Variants in IGF2BP2 observed in about 807,000 individuals in gnomAD.
IGF2BP2 encodes insulin-like growth factor 2 mRNA-binding protein 2.
A neutral mutation model predicts 75.8 loss-of-function variants in IGF2BP2; 17 were observed. That is an observed-to-expected ratio of 0.22 (90% confidence interval 0.15 to 0.34). The LOEUF is 0.34. IGF2BP2 is among the 10% of genes least tolerant of loss of function. The pLI is 1.00. For missense variants in IGF2BP2, 516 were observed against 772.4 expected, an observed-to-expected ratio of 0.67 and a Z score of 3.93; for synonymous variants, 288 against 295.6, an observed-to-expected ratio of 0.97 and a Z score of 0.26.
At chr3:185,710,012 G>A (rs1724573445) in intron 2 of IGF2BP2, among the ~76,000 whole-genome samples, 1 of 152,216 alleles carries the variant, frequency 6.6e-6, no homozygotes, top group African/African-American at 2.4e-5. Flanking sequence ...TATGTTAGGT[G>A]TTGGGGTACA....
At chr3:185,750,979 GGCCA>G (rs1487581347) in intron 2 of IGF2BP2, among the ~76,000 whole-genome samples, 3 of 152,236 alleles carry the variant, frequency 2.0e-5, no homozygotes, top group Non-Finnish European at 4.4e-5. Flanking sequence ...CACTCTGGGA[GGCCA>G]ATGTGGGCAG....
chr3:185,766,790 T>C (rs942990484), intron 2 of IGF2BP2, among the ~76,000 whole-genome samples: 4 of 152,106 alleles, frequency 2.6e-5, no homozygotes, highest in African/African-American at 9.7e-5. Flanking sequence ...AGTCAGTGAG[T>C]TATATCCTGT....
At chr3:185,730,468 CTT>C (rs1475175375) in intron 2 of IGF2BP2, among the ~76,000 whole-genome samples, 5 of 118,002 alleles carry the variant, frequency 4.2e-5, no homozygotes, top group Non-Finnish European at 6.6e-5. Context: ...GAGTTTGACT[CTT>C]GTTTCCCAGG....
In IGF2BP2 at chr3:185,691,322, TC is replaced by T. The variant is rs529386983; in HGVS notation, c.404+1376del. On this transcript the variant is annotated intron_variant, in intron 5 of 15. Transcript: ENST00000382199. ...CATGTTGGTCAGGCTGGTCTCGATC[TC>T]CCAGCCTCAGGTGATCTGCCCACCT... is the stretch of plus-strand genomic sequence containing the variant. 1.8e-3 allele frequency among the ~76,000 whole-genome samples: 270 copies of T among 152,280 alleles called. 2 individuals are homozygous for T. The highest frequency in any genetic ancestry group is 2.9e-3 in the Non-Finnish European group (198 of 68,020).
At chr3:185,725,714 G>A (rs573954825) in intron 2 of IGF2BP2, among the ~76,000 whole-genome samples, 46 of 152,274 alleles carry the variant, frequency 3.0e-4, no homozygotes, top group African/African-American at 1.0e-3. Context: ...ACTCACATCC[G>A]TAATCCCAAC....
chr3:185,767,572 T>C (rs1021446735), intron 2 of IGF2BP2, among the ~76,000 whole-genome samples: 3 of 152,122 alleles, frequency 2.0e-5, no homozygotes, highest in Admixed American at 6.6e-5. Flanking sequence ...ATTTGAAAAA[T>C]GTATTTGACC....
chr3:185,818,145 C>T (rs1490666442), intron 2 of IGF2BP2, among the ~76,000 whole-genome samples: 2 of 152,130 alleles, frequency 1.3e-5, no homozygotes, highest in African/African-American at 4.8e-5. Flanking sequence ...TTGTGTTATG[C>T]AAAATACCAT....
rs1399729245 is a variant in IGF2BP2 at position 185,647,224 on chromosome 3, T to C, written c.1594-86A>G. ...CAGGACGGAGTGAGGGGCCAAGAGGTGGAGCAGGGGAAGGAGGGGGGCTGG... is the reference window on the plus strand; with the variant it reads ...CAGGACGGAGTGAGGGGCCAAGAGGCGGAGCAGGGGAAGGAGGGGGGCTGG... On this transcript the variant is annotated intron_variant, in intron 14 of 15. Transcript: ENST00000382199. This position sits in a 1 kb window ranked among gnomAD's most constrained non-coding sequence, Gnocchi z 4.9. 3.2e-6 allele frequency: 3 copies of C among 939,554 alleles called. No individual in the cohort carries two copies. The highest frequency in any genetic ancestry group is 3.2e-5 in the African/African-American group (2 of 61,700). 58.2% of individuals were successfully genotyped at this position (939,554 alleles called of 1,614,324 possible).
At chr3:185,764,874 A>G (rs1732844319) in intron 2 of IGF2BP2, among the ~76,000 whole-genome samples, 1 of 152,116 alleles carries the variant, frequency 6.6e-6, no homozygotes, top group East Asian at 1.9e-4. Context: ...CCCAGCTCTG[A>G]GACAATGGGG....
At chr3:185,753,204 T>C (rs997794301) in intron 2 of IGF2BP2, among the ~76,000 whole-genome samples, 2 of 152,134 alleles carry the variant, frequency 1.3e-5, no homozygotes, top group Non-Finnish European at 2.9e-5. Flanking sequence ...ACACATACAA[T>C]TGTGGCCTCC....
intron 2 of IGF2BP2, among the ~76,000 whole-genome samples, chr3:185,801,830 T>G (rs1034988693): frequency 6.6e-6 from 1 of 152,110 alleles, no homozygotes; most frequent in East Asian, 1.9e-4. Flanking sequence ...TGGAATACTA[T>G]GTAGCCATAA....
intron 2 of IGF2BP2, among the ~76,000 whole-genome samples, chr3:185,716,203 C>T (rs1725585291): frequency 6.7e-6 from 1 of 150,298 alleles, no homozygotes; most frequent in Admixed American, 6.6e-5. Flanking sequence ...TTTTTTAGTA[C>T]ACACGAATAA....
At position 185,675,336 on chromosome 3, in the gene IGF2BP2, T is replaced by C; in HGVS notation, c.1031A>G (p.Lys344Arg). 6.2e-7 allele frequency: 1 copy of C among 1,611,800 alleles called. No individual in the cohort carries two copies. Among genetic ancestry groups the C allele is most frequent in the Non-Finnish European group, 8.5e-7 (1 of 1,179,664 alleles). ...CASAEIEIMK[K>R]LREAFENDML... ...ATCATTTTCAAAGGCCTCACGCAGC[T>C]TCTTCATAATCTCTATCTCAGCACT... is the stretch of plus-strand genomic sequence containing the variant. Residue 344 changes from lysine to arginine, a missense_variant, in exon 9 of 16, where the codon AAG (lysine) becomes AGG (arginine). Physicochemically the swap from Lys to Arg is conservative, Grantham distance 26 (BLOSUM62 2). Coordinates refer to ENST00000382199, the MANE Select transcript of IGF2BP2 (RefSeq NM_006548.6).
At chr3:185,710,152 A>AT (rs567527407) in intron 2 of IGF2BP2, among the ~76,000 whole-genome samples, 19,847 of 117,412 alleles carry the variant, frequency 0.17, 1,926 homozygotes, top group African/African-American at 0.27. Context: ...GTAGTTTTAG[A>AT]TTTTTTTTTT....
chr3:185,745,047 C>A (rs1376282583), intron 2 of IGF2BP2, among the ~76,000 whole-genome samples: 4 of 152,160 alleles, frequency 2.6e-5, no homozygotes, highest in Non-Finnish European at 4.4e-5. Flanking sequence ...CATGCCCTTG[C>A]TGCTGGTGTG....
At chr3:185,735,483 A>G (rs150057387) in intron 2 of IGF2BP2, among the ~76,000 whole-genome samples, 1 of 152,336 alleles carries the variant, frequency 6.6e-6, no homozygotes, top group African/African-American at 2.4e-5. Context: ...AATTATGTCT[A>G]TCTTAAAGGA....
At chr3:185,657,723 T>C (rs1715689525) in intron 11 of IGF2BP2, among the ~76,000 whole-genome samples, 1 of 152,224 alleles carries the variant, frequency 6.6e-6, no homozygotes, top group Non-Finnish European at 1.5e-5. Flanking sequence ...CTCTCCTGTG[T>C]CTTCACCCAA....
At chr3:185,692,624 A>T (rs1722093536) in intron 5 of IGF2BP2, 75 bp downstream of exon 5, 3 of 1,300,238 alleles carry the variant, frequency 2.3e-6, no homozygotes, top group Non-Finnish European at 3.3e-6. Context: ...GAAAACATTT[A>T]AAAACACAGA....
At chr3:185,730,040 T>C (rs1275584827) in intron 2 of IGF2BP2, among the ~76,000 whole-genome samples, 1 of 152,226 alleles carries the variant, frequency 6.6e-6, no homozygotes, top group Non-Finnish European at 1.5e-5. Flanking sequence ...ATATACTGCA[T>C]AATGAAGTTT....
Sources: allele counts gnomAD v4.1 joint callset (sites outside exome capture counted in the v4.1 genomes callset), GRCh38; gene constraint gnomAD v4.1.1; non-coding constraint Gnocchi (gnomAD v3.1); transcripts MANE v1.5; gene names NCBI Gene and HGNC (gene_info 2026-07-23, HGNC 2026-07-21).